Variants in FLRT2 observed in about 807,000 individuals in gnomAD.
The protein encoded by FLRT2 is fibronectin leucine rich transmembrane protein 2.
Under a neutral mutation model 40.0 loss-of-function variants are expected in FLRT2, and 15 were observed. That is an observed-to-expected ratio of 0.38 (90% CI 0.25 to 0.58). The LOEUF is 0.58. FLRT2 is among the 20% of genes least tolerant of loss of function. FLRT2 has a pLI of 0.71. For missense variants in FLRT2, 726 were observed against 840.0 expected (o/e 0.86, Z 1.68); for synonymous variants, 380 against 336.8 (o/e 1.13, Z -1.41).
rs1446299327 is a variant in FLRT2, at chr14:85,635,059, C to T, written c.*11562C>T. On this transcript the variant is annotated 3_prime_UTR_variant, in exon 2 of 2. Transcript: ENST00000330753. ...AAGCAAACATATAAACACTCAGTTT[C>T]ATTGACTTAAGTATAAAGACTAACA... 2.6e-5 allele frequency: 4 copies of T among 152,138 alleles called. No homozygotes were observed. The highest frequency in any genetic ancestry group is 9.7e-5 in the African/African-American group (4 of 41,436). The allele number at this position is 152,138 out of a possible 1,614,324, so 9.4% of individuals were successfully genotyped here. A position where few individuals can be genotyped will look rare whatever the true frequency, so the allele number is the denominator to read the frequency against.
chr14:85,559,875 G>A (rs1890199329), intron 1 of FLRT2, among the ~76,000 whole-genome samples: 1 of 152,134 alleles, frequency 6.6e-6, no homozygotes, highest in Non-Finnish European at 1.5e-5. Context: ...CGTTTAGTCA[G>A]TGACTTTCCT....
chr14:85,595,065 G>A (rs1002302939), intron 1 of FLRT2, among the ~76,000 whole-genome samples: 26 of 152,200 alleles, frequency 1.7e-4, no homozygotes, highest in African/African-American at 5.8e-4. Context: ...GGAAGAGGAG[G>A]GGTTGGTCTT....
rs144263961 is a variant in FLRT2, at chr14:85,652,315, G to A, written c.*28818G>A. On this transcript the variant is annotated 3_prime_UTR_variant, in exon 2 of 2. Coordinates refer to ENST00000330753, the MANE Select transcript of FLRT2 (RefSeq NM_013231.6). Reference sequence around the variant, plus strand: ...TATGCAGTAATATTTATATTGAGAAGCAACTTTTTTAATTGTTTGGGGAAA... The same window carrying A: ...TATGCAGTAATATTTATATTGAGAAACAACTTTTTTAATTGTTTGGGGAAA... 1 of 152,142 alleles carries A rather than the reference G, an allele frequency of 6.6e-6. No individual in the cohort carries two copies. Among genetic ancestry groups the A allele is most frequent in the East Asian group, 1.9e-4 (1 of 5,180 alleles). 9.4% of individuals were successfully genotyped at this position (152,142 alleles called of 1,614,324 possible).
intron 1 of FLRT2, among the ~76,000 whole-genome samples, chr14:85,616,056 A>G (rs1893116713): frequency 6.6e-6 from 1 of 152,178 alleles, no homozygotes; most frequent in South Asian, 2.1e-4. Flanking sequence ...GAGTTAAATT[A>G]CAATAAAGTA....
At chr14:85,547,435 T>C (rs1889344585) in intron 1 of FLRT2, among the ~76,000 whole-genome samples, 1 of 151,712 alleles carries the variant, frequency 6.6e-6, no homozygotes, top group African/African-American at 2.4e-5. Context: ...GCGATTCCCC[T>C]GCCTCAGCTT....
intron 1 of FLRT2, among the ~76,000 whole-genome samples, chr14:85,587,288 A>G (rs1263982248): frequency 2.0e-5 from 2 of 101,900 alleles, no homozygotes; most frequent in African/African-American, 4.1e-5. Context: ...TAAGGAATGG[A>G]AAAAAAAAAA....
chr14:85,535,709 A>G (rs1366103764), intron 1 of FLRT2, among the ~76,000 whole-genome samples: 1 of 152,114 alleles, frequency 6.6e-6, no homozygotes, highest in Non-Finnish European at 1.5e-5. Flanking sequence ...ATAATCACTG[A>G]AGACAGTGCA....
intron 1 of FLRT2, among the ~76,000 whole-genome samples, chr14:85,611,780 A>G (rs981117470): frequency 2.0e-5 from 3 of 152,216 alleles, no homozygotes; most frequent in South Asian, 2.1e-4. Context: ...TCCCTTATGT[A>G]TGAATGTTAT....
chr14:85,554,985 T>C (rs966611297), intron 1 of FLRT2, among the ~76,000 whole-genome samples: 2 of 152,208 alleles, frequency 1.3e-5, no homozygotes, highest in African/African-American at 4.8e-5. Context: ...TAATAATGCC[T>C]ATCTATTGGA....
In FLRT2 at chr14:85,640,834, G is replaced by A. The variant is rs368190538; in HGVS notation, c.*17337G>A. ...TAGCTTGAGAGAATTGTACACAAAC[G>A]TTTCTAAAATACAGATCCTACCTTA... On this transcript the variant is annotated 3_prime_UTR_variant, in exon 2 of 2. Transcript: ENST00000330753. The A allele has an allele frequency of 5.9e-5, 9 of 152,210 alleles. No homozygotes were observed. The East Asian group carries it at 9.7e-4, about 16-fold the overall frequency. The allele number at this position is 152,210 out of a possible 1,614,324, so 9.4% of individuals were successfully genotyped here. A position where few individuals can be genotyped will look rare whatever the true frequency, so the allele number is the denominator to read the frequency against.
chr14:85,557,137 T>A (rs1224127970), intron 1 of FLRT2, among the ~76,000 whole-genome samples: 1 of 151,964 alleles, frequency 6.6e-6, no homozygotes, highest in African/African-American at 2.4e-5. Context: ...TGATTCAAGA[T>A]GAGATTTGGG....
intron 1 of FLRT2, among the ~76,000 whole-genome samples, chr14:85,609,164 G>A (rs998557277): frequency 6.6e-6 from 1 of 152,134 alleles, no homozygotes; most frequent in African/African-American, 2.4e-5. Context: ...ATAACCTCAG[G>A]AGGACAGACC....
intron 1 of FLRT2, among the ~76,000 whole-genome samples, chr14:85,555,696 A>T (rs201886090): frequency 1.3e-5 from 1 of 76,024 alleles, no homozygotes; most frequent in African/African-American, 4.9e-5. Flanking sequence ...AATCTATTTT[A>T]TTTTATTTTA....
In FLRT2 at chr14:85,562,620, C is replaced by CTTTTCTTTT. The variant is rs1555366330; in HGVS notation, c.-377+32090_-377+32091insCTTTTTTTT. ...CCTCCTAACCCACCTTTCTTTCTTTCTTTTTTTTTTTTTTGAATCTAGACT... is the reference window on the plus strand; with the variant it reads ...CCTCCTAACCCACCTTTCTTTCTTTCTTTTCTTTTTTTTTTTTTTTTTTGAATCTAGACT... On this transcript the variant is annotated intron_variant, in intron 1 of 1. Coordinates refer to ENST00000330753, the MANE Select transcript of FLRT2 (RefSeq NM_013231.6). 1.7e-5 allele frequency: 2 copies of CTTTTCTTTT among 115,522 alleles called. 1 individual carries two copies. Among genetic ancestry groups the CTTTTCTTTT allele is most frequent in the Non-Finnish European group, 3.4e-5 (2 of 58,052 alleles). The allele number at this position is 115,522 out of a possible 1,614,324, so 7.2% of individuals were successfully genotyped here. A position where few individuals can be genotyped will look rare whatever the true frequency, so the allele number is the denominator to read the frequency against.
chr14:85,557,976 T>C (rs924441850), intron 1 of FLRT2, among the ~76,000 whole-genome samples: 2 of 146,864 alleles, frequency 1.4e-5, no homozygotes, highest in African/African-American at 2.7e-5. Context: ...AAACACGTAA[T>C]GTAGACTTCT....
In FLRT2 at chr14:85,621,493, A is replaced by T. The variant is rs749242316; in HGVS notation, c.-22A>T. 7 of 1,547,164 alleles carry T rather than the reference A, an allele frequency of 4.5e-6. No homozygotes were observed. The African/African-American group carries it at 9.9e-5, about 22-fold the overall frequency. On this transcript the variant is annotated 5_prime_UTR_variant, in exon 2 of 2. Transcript: ENST00000330753. ...CTTTTTCTTTTTCCCACCACATTGT[A>T]TTTTATTTCCGTACTTCAGAAATGG...
intron 1 of FLRT2, among the ~76,000 whole-genome samples, chr14:85,575,709 A>G (rs1176306485): frequency 6.6e-6 from 1 of 152,192 alleles, no homozygotes; most frequent in Non-Finnish European, 1.5e-5. Context: ...TTAAACCTCT[A>G]GAAGAGCTGC....
rs1893493493 is a variant in FLRT2, at chr14:85,623,066, T to C, written c.1552T>C (p.Tyr518His). ...ICSEATTHASYLNNGSNTASS... is the reference protein window; with the variant it reads ...ICSEATTHASHLNNGSNTASS... ...TTCAGAGGCCACCACCCATGCCTCC[T>C]ATCTGAACAACGGCAGCAACACAGC... The change falls in exon 2 of 2, where the codon TAT becomes CAT. Residue 518 changes from tyrosine (Y) to histidine (H), a missense_variant. This residue lies in a region of FLRT2 where 611 missense variants were observed against 690.0 expected (regional missense o/e 0.89). Coordinates refer to ENST00000330753, the MANE Select transcript of FLRT2 (RefSeq NM_013231.6). The C allele has an allele frequency of 6.2e-7, 1 of 1,614,184 alleles. No individual in the cohort carries two copies. Among genetic ancestry groups the C allele is most frequent in the Non-Finnish European group, 8.5e-7 (1 of 1,180,034 alleles).
In FLRT2 at chr14:85,567,634, C is replaced by CT. The variant is rs1566732052; in HGVS notation, c.-377+37100_-377+37101insT. Among the ~76,000 whole-genome samples, 20 of 126,130 alleles carry CT rather than the reference C, an allele frequency of 1.6e-4. 2 individuals carry two copies. Among genetic ancestry groups the CT allele is most frequent in the Non-Finnish European group, 1.6e-4 (10 of 61,568 alleles). 82.7% of individuals were successfully genotyped at this position (126,130 alleles called of 152,430 possible). On this transcript the variant is annotated intron_variant, in intron 1 of 1. Coordinates refer to ENST00000330753, the MANE Select transcript of FLRT2 (RefSeq NM_013231.6). ...GGCCTAGCACACGGGAAGTGACTTACATTTTTTTTTTTTTTTTTTTTTTTG... is the reference window on the plus strand; with the variant it reads ...GGCCTAGCACACGGGAAGTGACTTACTATTTTTTTTTTTTTTTTTTTTTTTG...
Sources: allele counts gnomAD v4.1 joint callset (sites outside exome capture counted in the v4.1 genomes callset), GRCh38; gene constraint gnomAD v4.1.1; regional missense constraint gnomAD v4.1.1; transcripts MANE v1.5; gene names NCBI Gene and HGNC (gene_info 2026-07-23, HGNC 2026-07-21).